CD53: variants seen among roughly 807,000 people sequenced by gnomAD.
CD53 encodes the protein CD53 molecule, also known as leukocyte surface antigen CD53.
Under a neutral mutation model 27.3 loss-of-function variants are expected in CD53, and 20 were observed. The ratio of observed to expected loss-of-function variants is 0.73; its 90% CI spans 0.52 to 1.07. The LOEUF (loss-of-function observed/expected upper bound fraction) is 1.07. Among genes scored for constraint, CD53 ranks in the 50% least tolerant of loss-of-function variants. The pLI, the probability that CD53 is intolerant of heterozygous loss-of-function variation, is 0.00. For synonymous variants in CD53, 106 were observed against 105.3 expected, an observed-to-expected ratio of 1.01 and a Z score of -0.04; for missense variants, 216 against 264.0, an observed-to-expected ratio of 0.82 and a Z score of 1.26.
At chr1:110,878,635 G>C (rs1435043849) in intron 1 of CD53, among the ~76,000 whole-genome samples, 1 of 152,014 alleles carries the variant, frequency 6.6e-6, no homozygotes, top group Non-Finnish European at 1.5e-5. Flanking sequence ...TAATAGGTTT[G>C]AATGGAGTAA....
Position 110,894,170 on chromosome 1 carries a change from A to G in CD53, c.253-157A>G, listed in dbSNP as rs1324198963. 1.2e-5 allele frequency: 8 copies of G among 649,764 alleles called. No individual in the cohort carries two copies. In the South Asian group the frequency reaches 1.4e-4, roughly 12 times the overall value. The allele number at this position is 649,764 out of a possible 1,614,324, so 40.2% of individuals were successfully genotyped here. Reference sequence around the variant, plus strand: ...GAGTCTAATTGTAGAAAAAGAACACATATTTTCACAAAACAAAAGAAGGCT... The same window carrying G: ...GAGTCTAATTGTAGAAAAAGAACACGTATTTTCACAAAACAAAAGAAGGCT... On this transcript the variant is annotated intron_variant, in intron 3 of 7. Transcript: ENST00000271324.
chr1:110,875,011 A>G (rs545538095), intron 1 of CD53, among the ~76,000 whole-genome samples: 4 of 152,364 alleles, frequency 2.6e-5, no homozygotes, highest in African/African-American at 9.6e-5. Flanking sequence ...ATACAAATAC[A>G]GTGCAATGTG....
At chr1:110,892,928 T>G (rs1656914303) in intron 3 of CD53, 1 of 175,888 alleles carries the variant, frequency 5.7e-6, no homozygotes. Context: ...TAATGGAAAA[T>G]AATTTCTAGG....
intron 1 of CD53, among the ~76,000 whole-genome samples, chr1:110,877,397 G>A (rs1656167929): frequency 1.3e-5 from 2 of 152,338 alleles, no homozygotes; most frequent in South Asian, 2.1e-4. Context: ...GACCCCGTAT[G>A]TAAAGTTCTG....
chr1:110,886,869 A>ATCTATATTTT (rs1298376721), intron 1 of CD53, among the ~76,000 whole-genome samples: 1 of 82,800 alleles, frequency 1.2e-5, no homozygotes, highest in Non-Finnish European at 2.2e-5. Flanking sequence ...ATATATATAT[A>ATCTATATTTT]TTTTTTTTTT....
rs372587592 is a variant in CD53 at position 110,888,807 on chromosome 1, A to G, written c.-17-2585A>G. The stretch of plus-strand genomic sequence containing the variant: ...TAGCACATAGTAATTCAGACTAGCC[A>G]GATTCTAAGTGCTCAAAGCTGTAGC... On this transcript the variant is annotated intron_variant, in intron 1 of 7. Transcript: ENST00000271324. Among the ~76,000 whole-genome samples, 22 of 152,234 alleles carry G rather than the reference A, an allele frequency of 1.4e-4. 1 individual carries two copies. Among genetic ancestry groups the G allele is most frequent in the East Asian group, 1.3e-3 (7 of 5,204 alleles).
chr1:110,881,448 T>C (rs1246794785), intron 1 of CD53, among the ~76,000 whole-genome samples: 2 of 152,244 alleles, frequency 1.3e-5, no homozygotes, highest in Non-Finnish European at 2.9e-5. Flanking sequence ...TTCTTTTTAA[T>C]TGCTAAGTAG....
intron 4 of CD53, among the ~76,000 whole-genome samples, chr1:110,894,648 C>T (rs962205820): frequency 1.3e-5 from 2 of 152,124 alleles, no homozygotes; most frequent in Non-Finnish European, 2.9e-5. Flanking sequence ...ACTTGCTTTC[C>T]TCTGTGTGTT....
chr1:110,877,787 T>C (rs1656183363), intron 1 of CD53, among the ~76,000 whole-genome samples: 1 of 152,176 alleles, frequency 6.6e-6, no homozygotes, highest in Admixed American at 6.5e-5. Context: ...CACGAATACA[T>C]GAGAGTTGAT....
intron 7 of CD53, 89 bp from the exon 8 acceptor site, chr1:110,899,035 C>A (rs769342134): frequency 3.2e-6 from 3 of 924,924 alleles, no homozygotes; most frequent in Non-Finnish European, 1.7e-6. Flanking sequence ...GTAATGGATA[C>A]ATTCTTTTTC....
At chr1:110,895,140 A>C (rs1335302010) in intron 5 of CD53, 85 bp downstream of exon 5, 9 of 998,546 alleles carry the variant, frequency 9.0e-6, no homozygotes, top group Non-Finnish European at 1.3e-5. Context: ...TTTTTCTGGA[A>C]GTTTCAGAAT....
chr1:110,893,434 T>C (rs569421974), intron 3 of CD53, among the ~76,000 whole-genome samples: 1 of 152,326 alleles, frequency 6.6e-6, no homozygotes, highest in Admixed American at 6.5e-5. Flanking sequence ...GCCATTCTCC[T>C]GCCTCAGCCT....
chr1:110,883,776 G>A (rs2101047078), intron 1 of CD53, among the ~76,000 whole-genome samples: 1 of 151,978 alleles, frequency 6.6e-6, no homozygotes, highest in African/African-American at 2.4e-5. Context: ...TTGGTAATTT[G>A]TGCCTTTCAG....
chr1:110,879,465 A>G (rs993305514), intron 1 of CD53, among the ~76,000 whole-genome samples: 2 of 152,202 alleles, frequency 1.3e-5, no homozygotes, highest in Admixed American at 6.5e-5. Flanking sequence ...TTAATAAGTG[A>G]TCTGCAACAT....
intron 1 of CD53, among the ~76,000 whole-genome samples, chr1:110,879,037 A>AT (rs950204308): frequency 6.6e-6 from 1 of 151,494 alleles, no homozygotes; most frequent in East Asian, 1.9e-4. Context: ...TTGTTTTTTT[A>AT]TTTTTTTTAC....
intron 1 of CD53, among the ~76,000 whole-genome samples, chr1:110,873,923 A>G (rs1399164230): frequency 6.6e-6 from 1 of 152,198 alleles, no homozygotes; most frequent in Non-Finnish European, 1.5e-5. Flanking sequence ...AAACATGACC[A>G]CTGATAAATG....
intron 1 of CD53, among the ~76,000 whole-genome samples, chr1:110,885,727 G>A (rs1656561386): frequency 6.6e-6 from 1 of 151,746 alleles, no homozygotes; most frequent in Non-Finnish European, 1.5e-5. Context: ...AGCTGGGCGT[G>A]GTGGTGCATG....
intron 1 of CD53, among the ~76,000 whole-genome samples, chr1:110,879,058 C>T (rs958030708): frequency 1.2e-4 from 18 of 151,890 alleles, no homozygotes; most frequent in East Asian, 3.9e-4. Flanking sequence ...AAATGGCACA[C>T]GAAACCTCTT....
At chr1:110,899,065 A>G (rs1657191424) in intron 7 of CD53, 59 bp from the exon 8 acceptor site, 14 of 1,290,706 alleles carry the variant, frequency 1.1e-5, no homozygotes, top group Non-Finnish European at 1.6e-5. Flanking sequence ...AATCCCAGGC[A>G]TTGTGAAAGA....
Sources: allele counts gnomAD v4.1 joint callset (sites outside exome capture counted in the v4.1 genomes callset), GRCh38; gene constraint gnomAD v4.1.1; transcripts MANE v1.5; gene names NCBI Gene and HGNC (gene_info 2026-07-23, HGNC 2026-07-21).